Variants in KCNQ5 observed in about 807,000 individuals in gnomAD.
KCNQ5 encodes potassium voltage-gated channel subfamily Q member 5, also known as potassium voltage-gated channel subfamily KQT member 5.
In KCNQ5, 30 loss-of-function variants were observed where a neutral mutation model predicts 98.2. The observed-to-expected ratio is 0.31, with a 90% CI of 0.23 to 0.41. The LOEUF (loss-of-function observed/expected upper bound fraction) is 0.41, where lower values mean the gene tolerates loss of function less well. Among genes scored for constraint, KCNQ5 ranks in the 10% least tolerant of loss-of-function variants. The pLI is 1.00. For missense variants in KCNQ5, 835 were observed against 1,182.5 expected, an observed-to-expected ratio of 0.71 and a Z score of 4.31; for synonymous variants, 458 against 449.4, an observed-to-expected ratio of 1.02 and a Z score of -0.24.
chr6:72,635,670 G>GTTTTTTTT (rs528990234), intron 1 of KCNQ5, among the ~76,000 whole-genome samples: 68 of 65,048 alleles, frequency 1.0e-3, no homozygotes, highest in Non-Finnish European at 1.2e-3. Context: ...ATTGCTCCTA[G>GTTTTTTTT]TTTTTTTTTT....
intron 10 of KCNQ5, chr6:73,143,428 T>C (rs1011642516): frequency 4.6e-5 from 7 of 152,230 alleles, no homozygotes; most frequent in African/African-American, 1.7e-4. Flanking sequence ...GTCCTTACCC[T>C]AGTTTCACGT....
At chr6:72,732,407 G>A (rs1005133071) in intron 1 of KCNQ5, among the ~76,000 whole-genome samples, 4 of 152,152 alleles carry the variant, frequency 2.6e-5, no homozygotes, top group African/African-American at 9.7e-5. Context: ...AGGAGGTGGT[G>A]GGAGGATAGA....
intron 7 of KCNQ5, among the ~76,000 whole-genome samples, chr6:73,111,707 A>C (rs2150427663): frequency 6.6e-6 from 1 of 152,354 alleles, no homozygotes; most frequent in African/African-American, 2.4e-5. Context: ...AATATGTCTT[A>C]TGAATTACTT....
chr6:72,652,972 T>C lies in KCNQ5; in HGVS notation c.398+30385T>C, dbSNP rs754398916. Among the ~76,000 whole-genome samples, 34 of 152,264 alleles carry C rather than the reference T, an allele frequency of 2.2e-4. 1 individual carries two copies. The highest frequency in any genetic ancestry group is 1.2e-3 in the South Asian group (6 of 4,834). Reference sequence around the variant, plus strand: ...CACCCAAATGCTGTTTACAGCATTCTGTGATGAATTCCCTATTTCAGTTGG... The same window carrying C: ...CACCCAAATGCTGTTTACAGCATTCCGTGATGAATTCCCTATTTCAGTTGG... On this transcript the variant is annotated intron_variant, in intron 1 of 13. Transcript: ENST00000370398.
intron 9 of KCNQ5, among the ~76,000 whole-genome samples, chr6:73,128,941 T>C (rs1233640958): frequency 6.6e-6 from 1 of 152,214 alleles, no homozygotes; most frequent in Non-Finnish European, 1.5e-5. Flanking sequence ...TCTGAAGCTG[T>C]GTGTGGCTCT....
In KCNQ5 at chr6:72,651,949, G is replaced by A. The variant is rs558883129; in HGVS notation, c.398+29362G>A. 4.6e-5 allele frequency among the ~76,000 whole-genome samples: 7 copies of A among 152,052 alleles called. No homozygotes were observed. The East Asian group carries it at 7.7e-4, about 17-fold the overall frequency. The stretch of plus-strand genomic sequence containing the variant: ...CTTTATAATGCTGTTGTAAAACTCA[G>A]ATTATATTTTATTCATGAATTACAG... On this transcript the variant is annotated intron_variant, in intron 1 of 13. Transcript: ENST00000370398.
At chr6:72,968,124 A>G (rs79627446) in intron 1 of KCNQ5, among the ~76,000 whole-genome samples, 4,132 of 152,316 alleles carry the variant, frequency 0.027, 66 homozygotes, top group Middle Eastern at 0.082. Flanking sequence ...TTACATACAC[A>G]CACACAAACA....
intron 3 of KCNQ5, among the ~76,000 whole-genome samples, chr6:73,058,092 T>G (rs1772604830): frequency 1.3e-5 from 2 of 152,110 alleles, no homozygotes; most frequent in African/African-American, 2.4e-5. Context: ...AAAAATCAAC[T>G]CAAGATGGGT....
intron 1 of KCNQ5, among the ~76,000 whole-genome samples, chr6:72,794,906 G>C (rs1254200821): frequency 1.3e-5 from 2 of 152,096 alleles, no homozygotes; most frequent in Non-Finnish European, 2.9e-5. Context: ...AAATAAAACT[G>C]ATTTAAGCAA....
chr6:73,165,492 C>G (rs1028191352), intron 10 of KCNQ5, among the ~76,000 whole-genome samples: 1 of 152,176 alleles, frequency 6.6e-6, no homozygotes, highest in Non-Finnish European at 1.5e-5. Context: ...TCCAAGGCTC[C>G]TTTGGGTGTG....
At chr6:72,880,192 G>C (rs2150171961) in intron 1 of KCNQ5, among the ~76,000 whole-genome samples, 1 of 152,286 alleles carries the variant, frequency 6.6e-6, no homozygotes, top group African/African-American at 2.4e-5. Context: ...ATCTTTTCAA[G>C]GGACAAAATA....
chr6:72,931,254 C>T (rs148488448), intron 1 of KCNQ5, among the ~76,000 whole-genome samples: 1 of 152,062 alleles, frequency 6.6e-6, no homozygotes, highest in African/African-American at 2.4e-5. Flanking sequence ...TTTTTTATTA[C>T]ATCATTTGTC....
chr6:72,623,078 G>A (rs1463008917), intron 1 of KCNQ5, among the ~76,000 whole-genome samples: 1 of 152,048 alleles, frequency 6.6e-6, no homozygotes, highest in African/African-American at 2.4e-5. Context: ...GCGGAGTAGG[G>A]GAAGCTGCTA....
chr6:72,821,372 A>G (rs1429370333), intron 1 of KCNQ5, among the ~76,000 whole-genome samples: 1 of 152,214 alleles, frequency 6.6e-6, no homozygotes, highest in Non-Finnish European at 1.5e-5. Flanking sequence ...ACATGTGGAC[A>G]CTTATAGATA....
intron 13 of KCNQ5, 35 bp from the exon 14 acceptor site, chr6:73,194,417 T>C (rs749717475): frequency 6.4e-7 from 1 of 1,560,842 alleles, no homozygotes; most frequent in South Asian, 1.2e-5. Context: ...TAATAACAGA[T>C]TATACTCATG....
chr6:72,786,248 A>T (rs1053601994), intron 1 of KCNQ5, among the ~76,000 whole-genome samples: 1 of 152,170 alleles, frequency 6.6e-6, no homozygotes, highest in South Asian at 2.1e-4. Flanking sequence ...AGTGGCTGCT[A>T]TGTCAGACGA....
At chr6:72,960,056 T>A (rs568074404) in intron 1 of KCNQ5, among the ~76,000 whole-genome samples, 1 of 152,236 alleles carries the variant, frequency 6.6e-6, no homozygotes, top group African/African-American at 2.4e-5. Flanking sequence ...TTTTTATCTC[T>A]AACAGAGTAG....
At chr6:72,939,417 T>A (rs1009339263) in intron 1 of KCNQ5, among the ~76,000 whole-genome samples, 2 of 152,226 alleles carry the variant, frequency 1.3e-5, no homozygotes, top group African/African-American at 4.8e-5. Context: ...ACACCCTTAC[T>A]CTGGGTTTGA....
At chr6:72,710,942 C>G (rs1024780740) in intron 1 of KCNQ5, among the ~76,000 whole-genome samples, 1 of 151,954 alleles carries the variant, frequency 6.6e-6, no homozygotes, top group Non-Finnish European at 1.5e-5. Context: ...CTAGGTTAGG[C>G]CACAAAACAA....
Sources: allele counts gnomAD v4.1 joint callset (sites outside exome capture counted in the v4.1 genomes callset), GRCh38; gene constraint gnomAD v4.1.1; transcripts MANE v1.5; gene names NCBI Gene and HGNC (gene_info 2026-07-23, HGNC 2026-07-21).